The following LRRC49 variants were observed in gnomAD, a reference collection of about 807,000 sequenced individuals.
LRRC49 encodes leucine rich repeat containing 49, also known as leucine-rich repeat-containing protein 49.
In LRRC49, 50 loss-of-function variants were observed where a neutral mutation model predicts 83.3. The ratio of observed to expected loss-of-function variants is 0.60; its 90% CI spans 0.48 to 0.76. The LOEUF (loss-of-function observed/expected upper bound fraction) is 0.76. Among genes scored for constraint, LRRC49 ranks in the 30% least tolerant of loss-of-function variants. LRRC49 has a pLI of 0.00. For missense variants in LRRC49, 704 were observed against 809.1 expected (o/e 0.87, Z 1.58); for synonymous variants, 286 against 283.3 (o/e 1.01, Z -0.10).
chr15:70,957,727 A>G (rs1477657788), intron 8 of LRRC49, among the ~76,000 whole-genome samples: 1 of 152,166 alleles, frequency 6.6e-6, no homozygotes, highest in Non-Finnish European at 1.5e-5. Context: ...TGCTCTTCAC[A>G]TTAGTTAATA....
At chr15:70,875,602 T>C (rs1013641288) in intron 2 of LRRC49, among the ~76,000 whole-genome samples, 60 of 152,352 alleles carry the variant, frequency 3.9e-4, no homozygotes, top group Non-Finnish European at 1.9e-4. Flanking sequence ...TATCCTTTCC[T>C]GCCTCTAGCT....
At chr15:70,933,296 TGAG>T (rs2035481312) in intron 7 of LRRC49, among the ~76,000 whole-genome samples, 1 of 152,150 alleles carries the variant, frequency 6.6e-6, no homozygotes. Flanking sequence ...TTTAAGATAA[TGAG>T]GAAATTAATA....
chr15:70,871,722 G>A (rs914494764), intron 1 of LRRC49, among the ~76,000 whole-genome samples: 8 of 151,052 alleles, frequency 5.3e-5, no homozygotes, highest in Non-Finnish European at 3.0e-5. Context: ...CAGACGGGGT[G>A]GTGGTGGGGC....
At chr15:70,967,037 T>C (rs1005307463) in intron 9 of LRRC49, among the ~76,000 whole-genome samples, 3 of 151,958 alleles carry the variant, frequency 2.0e-5, no homozygotes, top group Admixed American at 6.6e-5. Context: ...ACAGAAAAGT[T>C]CCAAAGGAGA....
chr15:70,867,619 G>T (rs2032940640), intron 1 of LRRC49, among the ~76,000 whole-genome samples: 4 of 152,178 alleles, frequency 2.6e-5, no homozygotes, highest in Admixed American at 6.5e-5. Context: ...CACACTGTCA[G>T]ACTCCAAATC....
intron 14 of LRRC49, among the ~76,000 whole-genome samples, chr15:71,021,446 T>C (rs1350184165): frequency 1.3e-5 from 2 of 152,140 alleles, no homozygotes; most frequent in Non-Finnish European, 2.9e-5. Flanking sequence ...AACATGTGGA[T>C]TAAACAGAAA....
chr15:71,048,948 C>T (rs2039939215), intron 15 of LRRC49: 1 of 413,744 alleles, frequency 2.4e-6, no homozygotes, highest in Non-Finnish European at 4.8e-6. Context: ...TTATGCTTTC[C>T]CATAATAGAG....
At chr15:70,913,552 G>A (rs1242138406) in intron 6 of LRRC49, among the ~76,000 whole-genome samples, 1 of 152,206 alleles carries the variant, frequency 6.6e-6, no homozygotes, top group Non-Finnish European at 1.5e-5. Flanking sequence ...AAGGCACTGA[G>A]ATGGAAAACA....
chr15:70,921,351 C>T (rs889798870), intron 7 of LRRC49, among the ~76,000 whole-genome samples: 3 of 152,194 alleles, frequency 2.0e-5, no homozygotes, highest in Admixed American at 6.5e-5. Flanking sequence ...ACACTTTCCA[C>T]CCTTTTTTGA....
At chr15:71,016,137 T>G (rs2038819342) in intron 14 of LRRC49, among the ~76,000 whole-genome samples, 1 of 152,212 alleles carries the variant, frequency 6.6e-6, no homozygotes, top group African/African-American at 2.4e-5. Flanking sequence ...GACACTAGGA[T>G]TCCAAAGTAC....
chr15:70,863,869 C>G (rs2032853227), intron 1 of LRRC49, among the ~76,000 whole-genome samples: 1 of 152,220 alleles, frequency 6.6e-6, no homozygotes, highest in Non-Finnish European at 1.5e-5. Flanking sequence ...TGGGATCCCA[C>G]TATCTGAGGG....
Position 70,919,162 on chromosome 15 carries a change from T to C in LRRC49, c.680T>C (p.Leu227Pro), listed in dbSNP as rs2034909669. The change falls in exon 7 of 16, where the codon CTT (leucine) becomes CCT (proline). Residue 227 changes from leucine to proline, a missense_variant. Around this residue, in one of 3 missense-constraint regions of LRRC49, gnomAD observed 261 missense variants for 330.5 expected, o/e 0.79. Transcript: ENST00000260382. ...AATGGGCTGGATTCACTAACTGAAC[T>C]TAACTTGCGACACAATCAAATCACT... The part of the protein sequence containing the change: ...NLNGLDSLTE[L>P]NLRHNQITFV... 6.2e-7 allele frequency: 1 copy of C among 1,612,716 alleles called. No individual in the cohort carries two copies. Among genetic ancestry groups the C allele is most frequent in the African/African-American group, 1.3e-5 (1 of 74,884 alleles).
intron 8 of LRRC49, among the ~76,000 whole-genome samples, chr15:70,942,433 A>C (rs1033163733): frequency 3.9e-5 from 6 of 152,242 alleles, no homozygotes; most frequent in Non-Finnish European, 5.9e-5. Flanking sequence ...TTACAAAGGC[A>C]TGAAAATTCA....
intron 8 of LRRC49, among the ~76,000 whole-genome samples, chr15:70,942,949 TC>T (rs2035875989): frequency 6.6e-6 from 1 of 152,236 alleles, no homozygotes; most frequent in African/African-American, 2.4e-5. Context: ...GTTTTAAAGT[TC>T]TTATCTACTA....
At chr15:70,972,309 G>A (rs1242246837) in intron 9 of LRRC49, among the ~76,000 whole-genome samples, 1 of 152,092 alleles carries the variant, frequency 6.6e-6, no homozygotes, top group African/African-American at 2.4e-5. Context: ...TTGAATATTG[G>A]CCCCCACTCT....
chr15:70,904,418 A>T, intron 4 of LRRC49, 134 bp from the exon 5 acceptor site: 1 of 582,964 alleles, frequency 1.7e-6, no homozygotes, highest in Non-Finnish European at 3.1e-6. Flanking sequence ...CGCTTAGTTC[A>T]TGGGGGTTGG....
chr15:70,962,012 C>G (rs993688026), intron 8 of LRRC49, among the ~76,000 whole-genome samples: 3 of 152,086 alleles, frequency 2.0e-5, no homozygotes, highest in Admixed American at 2.0e-4. Flanking sequence ...AGGCACTGAT[C>G]TAAGAAACTT....
chr15:70,909,850 A>ACACT (rs1204039326), intron 5 of LRRC49, among the ~76,000 whole-genome samples: 1 of 150,998 alleles, frequency 6.6e-6, no homozygotes, highest in African/African-American at 2.4e-5. Context: ...ACACACACAC[A>ACACT]CACACACACA....
At chr15:70,952,740 G>T (rs1364015298) in intron 8 of LRRC49, among the ~76,000 whole-genome samples, 1 of 152,060 alleles carries the variant, frequency 6.6e-6, no homozygotes, top group Non-Finnish European at 1.5e-5. Context: ...TTGAAGTCCT[G>T]AGTATTATTG....
Sources: gnomAD v4.1 joint callset for allele counts (sites outside exome capture counted in the v4.1 genomes callset) on GRCh38, gnomAD v4.1.1 for gene constraint, gnomAD v4.1.1 regional missense constraint, MANE v1.5 for transcripts, NCBI Gene and HGNC (gene_info 2026-07-23, HGNC 2026-07-21) for gene names.